SETD5: variants seen among roughly 807,000 people sequenced by gnomAD.
The protein encoded by SETD5 is histone-lysine N-methyltransferase SETD5.
Under a neutral mutation model 153.3 loss-of-function variants are expected in SETD5, and 44 were observed. The ratio of observed to expected loss-of-function variants is 0.29; its 90% CI spans 0.23 to 0.37. SETD5 has a LOEUF of 0.37. Among genes scored for constraint, SETD5 ranks in the 10% least tolerant of loss-of-function variants. The pLI, the probability that SETD5 is intolerant of heterozygous loss-of-function variation, is 1.00. For missense variants in SETD5, 1,544 were observed against 1,768.0 expected (o/e 0.87, Z 2.27); for synonymous variants, 716 against 645.2 (o/e 1.11, Z -1.66).
chr3:9,446,909 C>T, intron 13 of SETD5, 141 bp from the exon 14 acceptor site: 1 of 605,330 alleles, frequency 1.7e-6, no homozygotes, highest in Non-Finnish European at 2.9e-6. Flanking sequence ...TATTTTTAAT[C>T]TTCTGTTTTC....
chr3:9,473,307 T>C lies in SETD5; in HGVS notation c.3267T>C (p.Ser1089=), dbSNP rs746847788. The change falls in exon 20 of 23, where the codon TCT becomes TCC. Residue 1089 remains serine, a synonymous_variant. Transcript: ENST00000402198. ...KENSAGGGGD[S]AQSKSKSAGA... is the part of the protein sequence containing the mutation. Reference sequence around the variant, plus strand: ...ATTCTGCTGGTGGGGGAGGTGACTCTGCACAGAGCAAAAGCAAGTCTGCAG... The same window carrying C: ...ATTCTGCTGGTGGGGGAGGTGACTCCGCACAGAGCAAAAGCAAGTCTGCAG... The C allele has an allele frequency of 6.2e-7, 1 of 1,614,018 alleles. No homozygotes were observed. Among genetic ancestry groups the C allele is most frequent in the South Asian group, 1.1e-5 (1 of 91,086 alleles).
chr3:9,462,575 A>G lies in SETD5; in HGVS notation c.2477-1850A>G, dbSNP rs7616387. Among the ~76,000 whole-genome samples the G allele has an allele frequency of 7.6e-3, 1,117 of 146,244 alleles. 18 individuals are homozygous for G. Among genetic ancestry groups the G allele is most frequent in the African/African-American group, 0.026 (1,011 of 39,506 alleles). On this transcript the variant is annotated intron_variant, in intron 17 of 22. Transcript: ENST00000402198. ...GCACTCCAGCCTAGGTGACAGAGCA[A>G]GAGTCCGTCTCAAAAAAAAAAAAAA...
chr3:9,408,369 AT>A (rs2125491434), intron 1 of SETD5, among the ~76,000 whole-genome samples: 1 of 152,196 alleles, frequency 6.6e-6, no homozygotes, highest in African/African-American at 2.4e-5. Flanking sequence ...TAATTTTTTA[AT>A]TTTTTATTAT....
At chr3:9,410,804 C>CTTT (rs5846632) in intron 1 of SETD5, among the ~76,000 whole-genome samples, 1 of 151,712 alleles carries the variant, frequency 6.6e-6, no homozygotes, top group Non-Finnish European at 1.5e-5. Context: ...TCTGTTCTTT[C>CTTT]TTTTTTGGAA....
At chr3:9,445,573 T>C (rs781338003) in intron 12 of SETD5, 84 bp from the exon 13 acceptor site, 9 of 1,212,768 alleles carry the variant, frequency 7.4e-6, no homozygotes, top group East Asian at 7.1e-5. Flanking sequence ...GAGATTGTTA[T>C]AGAGAGTTTT....
chr3:9,441,775 A>G, intron 9 of SETD5, 34 bp downstream of exon 9: 1 of 1,613,502 alleles, frequency 6.2e-7, no homozygotes, highest in Non-Finnish European at 8.5e-7. Context: ...GTGAGGGCTA[A>G]GGTGGACCTG....
intron 9 of SETD5, 71 bp downstream of exon 9, chr3:9,441,812 TTC>T (rs2041326081): frequency 1.9e-6 from 3 of 1,586,162 alleles, no homozygotes; most frequent in African/African-American, 1.3e-5. Flanking sequence ...GTAAAAATCA[TTC>T]TGTTTGATAA....
intron 3 of SETD5, chr3:9,430,571 G>T (rs1372749377): frequency 1.5e-5 from 3 of 197,190 alleles, no homozygotes; most frequent in Non-Finnish European, 2.7e-5. Flanking sequence ...TAGCCAGTTT[G>T]TATTGTGTTT....
At chr3:9,399,748 C>G (rs2034438389) in intron 1 of SETD5, among the ~76,000 whole-genome samples, 2 of 150,778 alleles carry the variant, frequency 1.3e-5, no homozygotes, top group African/African-American at 4.9e-5. Context: ...AATAAAAGGC[C>G]TTGGTTTAAA....
At chr3:9,441,421 C>CT (rs1443336076) in intron 8 of SETD5, among the ~76,000 whole-genome samples, 172 bp from the exon 9 acceptor site, 1 of 148,720 alleles carries the variant, frequency 6.7e-6, no homozygotes, top group Non-Finnish European at 1.5e-5. Context: ...TAGCATGTCT[C>CT]TTAGAAAAAT....
chr3:9,475,742 C>T lies in SETD5; in HGVS notation c.3980C>T (p.Ser1327Phe). 6.2e-7 allele frequency: 1 copy of T among 1,613,972 alleles called. No homozygotes were observed. The highest frequency in any genetic ancestry group is 1.3e-5 in the African/African-American group (1 of 75,042). ...GGGTATTTTAGCAGCCAGCCACATT[C>T]TGGAAACAGCACTGGCAGCAATCTT... ...TPGYFSSQPH[S>F]GNSTGSNLPR... The change falls in exon 23 of 23, where the codon TCT (serine) becomes TTT (phenylalanine). Residue 1327 changes from serine (S) to phenylalanine (F), a missense_variant. This residue lies in a region of SETD5 where 302 missense variants were observed against 277.6 expected (regional missense o/e 1.09). Coordinates refer to ENST00000402198, the MANE Select transcript of SETD5 (RefSeq NM_001080517.3).
chr3:9,434,089 G>T lies in SETD5; in HGVS notation c.177+139G>T. 6.4e-7 allele frequency: 1 copy of T among 1,572,208 alleles called. No individual in the cohort carries two copies. The highest frequency in any genetic ancestry group is 8.6e-7 in the Non-Finnish European group (1 of 1,161,222). ...TTGCACTTCCCTGACTCCAGCGGAC[G>T]TCTAGCCCTGCATCATTGTTCTTGT... On this transcript the variant is annotated intron_variant, in intron 4 of 22. Coordinates refer to ENST00000402198, the MANE Select transcript of SETD5 (RefSeq NM_001080517.3). This position sits in a 1 kb window ranked among gnomAD's most constrained non-coding sequence, Gnocchi z 5.6.
chr3:9,397,654 C>CGCCGCT lies in SETD5; in HGVS notation c.-495_-494insTGCCGC, dbSNP rs2033885731. On this transcript the variant is annotated 5_prime_UTR_variant, in exon 1 of 23. Coordinates refer to ENST00000402198, the MANE Select transcript of SETD5 (RefSeq NM_001080517.3). ...TCGGGCAGCGGGCTGAGTGAGCTGC[C>CGCCGCT]GCCGCCGCCGCCGCCGCCGCCGCCG... 1 of 8,968 alleles carries CGCCGCT rather than the reference C, an allele frequency of 1.1e-4. No homozygotes were observed. The highest frequency in any genetic ancestry group is 1.5e-4 in the African/African-American group (1 of 6,602). The allele number at this position is 8,968 out of a possible 1,614,324, so 0.6% of individuals were successfully genotyped here.
chr3:9,454,632 A>AAC (rs1372223631), intron 17 of SETD5, among the ~76,000 whole-genome samples: 8 of 136,620 alleles, frequency 5.9e-5, no homozygotes, highest in Non-Finnish European at 1.2e-4. Context: ...CAAAAAAAAA[A>AAC]AAAAAAAAAA....
intron 17 of SETD5, among the ~76,000 whole-genome samples, chr3:9,464,062 A>G (rs1277428656): frequency 1.3e-5 from 2 of 152,182 alleles, no homozygotes. Flanking sequence ...CGGGAGACGG[A>G]GGTTGCAGTG....
chr3:9,401,378 G>A (rs2034746398), intron 1 of SETD5, among the ~76,000 whole-genome samples: 1 of 152,084 alleles, frequency 6.6e-6, no homozygotes, highest in Non-Finnish European at 1.5e-5. Context: ...CTGTTGTTTG[G>A]AACCTTTTGT....
intron 7 of SETD5, among the ~76,000 whole-genome samples, chr3:9,440,196 A>G (rs1575418752): frequency 6.6e-6 from 1 of 152,216 alleles, no homozygotes; most frequent in Non-Finnish European, 1.5e-5. Context: ...GGATGAAACT[A>G]TGATCCAGAT....
chr3:9,444,903 T>C, intron 11 of SETD5, 145 bp from the exon 12 acceptor site: 4 of 1,092,254 alleles, frequency 3.7e-6, no homozygotes, highest in Non-Finnish European at 5.3e-6. Flanking sequence ...AAAGTATTTA[T>C]AGGACTCTCT....
At chr3:9,419,478 A>G (rs181219445) in intron 1 of SETD5, among the ~76,000 whole-genome samples, 19 of 152,252 alleles carry the variant, frequency 1.2e-4, no homozygotes, top group African/African-American at 4.6e-4. Flanking sequence ...AGGTGAGAGG[A>G]TCGCTTGAGC....
Sources: gnomAD v4.1 joint callset for allele counts (sites outside exome capture counted in the v4.1 genomes callset) on GRCh38, gnomAD v4.1.1 for gene constraint, gnomAD v4.1.1 regional missense constraint, Gnocchi (gnomAD v3.1) non-coding constraint, MANE v1.5 for transcripts, NCBI Gene and HGNC (gene_info 2026-07-23, HGNC 2026-07-21) for gene names.